The following SLCO4A1 variants were observed in gnomAD, a reference collection of about 807,000 sequenced individuals.
The protein encoded by SLCO4A1 is solute carrier organic anion transporter family member 4A1.
Under a neutral mutation model 64.6 loss-of-function variants are expected in SLCO4A1, and 51 were observed. The observed-to-expected ratio is 0.79, with a 90% confidence interval of 0.63 to 1.00. SLCO4A1 has a LOEUF of 1.00. Ranked by LOEUF, SLCO4A1 falls within the 50% of genes least tolerant of loss-of-function variation. The probability of loss-of-function intolerance (pLI) is 0.00; values close to 1 mark genes in which losing one functional copy is unlikely to be tolerated. For missense variants in SLCO4A1, 919 were observed against 980.5 expected (o/e 0.94, Z 0.84); for synonymous variants, 471 against 444.9 (o/e 1.06, Z -0.74).
At chr20:62,683,868 A>G (rs1288483667) in intron 2 of SLCO4A1, among the ~76,000 whole-genome samples, 1 of 152,030 alleles carries the variant, frequency 6.6e-6, no homozygotes, top group African/African-American at 2.4e-5. Flanking sequence ...CTCCCCACAC[A>G]TGCAAAGATC....
rs769491720 is a variant in SLCO4A1, at chr20:62,666,423, C to T, written c.1320C>T (p.Gly440=). 1.6e-5 allele frequency: 26 copies of T among 1,613,048 alleles called. No homozygotes were observed. The highest frequency in any genetic ancestry group is 9.9e-5 in the South Asian group (9 of 91,082). ...CGGGTGGTGGCGGCACCTTCCTGGGCGGCTTCTTTGTGAACAAGCTCAGGC... is the reference window on the plus strand; with the variant it reads ...CGGGTGGTGGCGGCACCTTCCTGGGTGGCTTCTTTGTGAACAAGCTCAGGC... ...VPAGGGGTFL[G]GFFVNKLRLR... The change falls in exon 7 of 12, where the codon GGC becomes GGT. Residue 440 remains glycine (G), a synonymous_variant. Transcript: ENST00000217159.
rs1378263255 is a variant in SLCO4A1, at chr20:62,685,488, C to T, written n.259C>T. 4 of 974,424 alleles carry T rather than the reference C, an allele frequency of 4.1e-6. No homozygotes were observed. The allele number at this position is 974,424 out of a possible 1,614,324, so 60.4% of individuals were successfully genotyped here. Reference sequence around the variant, plus strand: ...GGCTGTAAACCCCATCTGAGCCTTACACATAGATCTCCTTGAATTGGATTT... The same window carrying T: ...GGCTGTAAACCCCATCTGAGCCTTATACATAGATCTCCTTGAATTGGATTT... On this transcript the variant is annotated non_coding_transcript_exon_variant, in exon 3 of 3. Coordinates refer to the SLCO4A1 transcript ENST00000466818. The surrounding 1 kb of genome is among the most constrained non-coding windows in gnomAD (Gnocchi z 4.6).
In SLCO4A1 at chr20:62,656,942, T is replaced by C; in HGVS notation, c.488T>C (p.Phe163Ser). The change falls in exon 2 of 12, where the codon TTC (phenylalanine) becomes TCC (serine). Residue 163 changes from phenylalanine (F) to serine (S), a missense_variant. Physicochemically the swap from Phe to Ser is radical, Grantham distance 155. Transcript: ENST00000217159. Reference sequence around the variant, plus strand: ...CTCTGCCTCACCTTCGTCAGCTACTTCGGGGGCTCAGGGCACAAGCCGCGC... The same window carrying C: ...CTCTGCCTCACCTTCGTCAGCTACTCCGGGGGCTCAGGGCACAAGCCGCGC... ...ACLCLTFVSY[F>S]GGSGHKPRWL... 6.4e-7 allele frequency: 1 copy of C among 1,564,076 alleles called. No homozygotes were observed. The highest frequency in any genetic ancestry group is 8.7e-7 in the Non-Finnish European group (1 of 1,149,960).
intron 1 of SLCO4A1, chr20:62,643,014 C>T (rs1445328818): frequency 2.1e-6 from 1 of 470,320 alleles, no homozygotes; most frequent in East Asian, 7.0e-5. Flanking sequence ...AGTCACCCAC[C>T]TGCGGCGGCC....
chr20:62,680,960 G>A (rs373363390), intron 2 of SLCO4A1, among the ~76,000 whole-genome samples: 9 of 152,152 alleles, frequency 5.9e-5, no homozygotes, highest in East Asian at 3.9e-4. Flanking sequence ...GCTGGATCAC[G>A]GTGGCATGAA....
downstream of SLCO4A1, chr20:62,672,481 C>T (rs552076134): frequency 2.5e-4 from 42 of 169,212 alleles, no homozygotes; most frequent in South Asian, 6.2e-3. Flanking sequence ...ATTCATCCCA[C>T]CTTGGATGGA....
chr20:62,680,911 T>A (rs1480995987), intron 2 of SLCO4A1, among the ~76,000 whole-genome samples: 2 of 152,192 alleles, frequency 1.3e-5, no homozygotes, highest in Non-Finnish European at 2.9e-5. Flanking sequence ...TCTCATCCTC[T>A]TTGTGTTTTT....
downstream of SLCO4A1, among the ~76,000 whole-genome samples, chr20:62,690,380 TGA>T (rs1988189089): frequency 6.6e-6 from 1 of 152,156 alleles, no homozygotes; most frequent in South Asian, 2.1e-4. Flanking sequence ...CCATAGGCTC[TGA>T]CCCTGCAGCC....
chr20:62,650,870 G>C (rs746449435), intron 1 of SLCO4A1: 1 of 152,254 alleles, frequency 6.6e-6, no homozygotes, highest in Non-Finnish European at 1.5e-5. Context: ...GACTCCCTCA[G>C]GTCCGGGCCA....
downstream of SLCO4A1, among the ~76,000 whole-genome samples, chr20:62,674,007 C>T (rs1054020606): frequency 6.6e-6 from 1 of 152,196 alleles, no homozygotes; most frequent in Non-Finnish European, 1.5e-5. Flanking sequence ...CCCCCAGGCT[C>T]GTCTATGGCA....
intron 2 of SLCO4A1, among the ~76,000 whole-genome samples, chr20:62,683,709 A>T (rs1569157516): frequency 1.3e-5 from 2 of 152,162 alleles, no homozygotes; most frequent in Admixed American, 6.5e-5. Context: ...GGGCGACACC[A>T]TGTGGCCTCG....
intron 9 of SLCO4A1, 41 bp downstream of exon 9, chr20:62,668,225 T>C (rs1223958127): frequency 3.7e-6 from 6 of 1,606,392 alleles, no homozygotes; most frequent in Non-Finnish European, 5.1e-6. Flanking sequence ...GAGCTTTCCT[T>C]GCAGCACCCT....
At chr20:62,655,346 G>C (rs1027419752) in intron 1 of SLCO4A1, among the ~76,000 whole-genome samples, 1 of 141,852 alleles carries the variant, frequency 7.0e-6, no homozygotes, top group African/African-American at 2.6e-5. Context: ...CAGCAGCCCC[G>C]GGAAGGACCC....
intron 10 of SLCO4A1, among the ~76,000 whole-genome samples, 181 bp from the exon 11 acceptor site, chr20:62,668,749 C>T (rs1038856174): frequency 9.9e-5 from 15 of 152,262 alleles, no homozygotes; most frequent in African/African-American, 2.9e-4. Flanking sequence ...ATGGGAAACT[C>T]GCAGCCCCAA....
chr20:62,687,791 A>G (rs1988114634), downstream of SLCO4A1, among the ~76,000 whole-genome samples: 1 of 152,138 alleles, frequency 6.6e-6, no homozygotes, highest in South Asian at 2.1e-4. Context: ...CAGCGTGGCC[A>G]CTAGGCTGCC....
At chr20:62,670,739 C>T (rs377372639) in intron 11 of SLCO4A1, among the ~76,000 whole-genome samples, 25 of 152,362 alleles carry the variant, frequency 1.6e-4, no homozygotes, top group Admixed American at 2.6e-4. Flanking sequence ...CAGCGGGAGC[C>T]GTATCCAGAG....
At chr20:62,670,376 C>T (rs182735553) in intron 11 of SLCO4A1, among the ~76,000 whole-genome samples, 23 of 152,324 alleles carry the variant, frequency 1.5e-4, no homozygotes, top group East Asian at 5.8e-4. Context: ...ACTTAGCAGC[C>T]GGTGTGGTTC....
chr20:62,688,248 T>A (rs1179592549), downstream of SLCO4A1, among the ~76,000 whole-genome samples: 1 of 152,156 alleles, frequency 6.6e-6, no homozygotes, highest in Non-Finnish European at 1.5e-5. Context: ...GGAGGATCCC[T>A]GGGGTCCCTA....
Position 62,671,763 on chromosome 20 carries a change from T to C in SLCO4A1, c.2039T>C (p.Leu680Pro), listed in dbSNP as rs1165857550. Residue 680 changes from leucine (L) to proline (P), a missense_variant, in exon 12 of 12, where the codon CTC becomes CCC. Leu to Pro is a moderately conservative substitution (Grantham distance 98, BLOSUM62 -3). Coordinates refer to ENST00000217159, the MANE Select transcript of SLCO4A1 (RefSeq NM_016354.4). ...MGLLYKVLGVLFFAIACFLYK... is the reference protein window; with the variant it reads ...MGLLYKVLGVPFFAIACFLYK... ...CTCTCTCCCCAGGTGCTGGGCGTCCTCTTCTTTGCCATAGCCTGCTTCTTA... is the reference window on the plus strand; with the variant it reads ...CTCTCTCCCCAGGTGCTGGGCGTCCCCTTCTTTGCCATAGCCTGCTTCTTA... The C allele has an allele frequency of 6.2e-7, 1 of 1,613,418 alleles. No individual in the cohort carries two copies. The highest frequency in any genetic ancestry group is 1.7e-5 in the Admixed American group (1 of 60,034).
Sources: allele counts gnomAD v4.1 joint callset (sites outside exome capture counted in the v4.1 genomes callset), GRCh38; gene constraint gnomAD v4.1.1; non-coding constraint Gnocchi (gnomAD v3.1); transcripts MANE v1.5; gene names NCBI Gene and HGNC (gene_info 2026-07-23, HGNC 2026-07-21).